Variants in MCF2L2 observed in about 807,000 individuals in gnomAD.
MCF2L2 encodes probable guanine nucleotide exchange factor MCF2L2.
A neutral mutation model predicts 150.2 loss-of-function variants in MCF2L2; 102 were observed. That is an observed-to-expected ratio of 0.68 (90% confidence interval 0.58 to 0.80). The LOEUF is 0.80. MCF2L2 is among the 30% of genes least tolerant of loss of function. MCF2L2 has a pLI of 0.00. For missense variants in MCF2L2, 1,256 were observed against 1,372.8 expected (o/e 0.91, Z 1.34); for synonymous variants, 465 against 491.3 (o/e 0.95, Z 0.71).
rs1456783768 is a variant in MCF2L2, at chr3:183,361,024, A to C, written c.275+18273T>G. The stretch of plus-strand genomic sequence containing the variant: ...AAAAGAAAAGAAAAGAAAAGAAAAG[A>C]GAAAAGAAAAGGAAGAAAGGAAAGG... On this transcript the variant is annotated intron_variant, in intron 3 of 29. Coordinates refer to ENST00000328913, the MANE Select transcript of MCF2L2 (RefSeq NM_015078.4). 9.4e-5 allele frequency among the ~76,000 whole-genome samples: 13 copies of C among 138,948 alleles called. No homozygotes were observed. In the South Asian group the frequency reaches 2.7e-3, roughly 29 times the overall value. 91.2% of individuals were successfully genotyped at this position (138,948 alleles called of 152,430 possible).
At chr3:183,323,194 CAAG>C (rs1374626118) in intron 6 of MCF2L2, 38 bp downstream of exon 6, 1 of 1,409,906 alleles carries the variant, frequency 7.1e-7, no homozygotes, top group South Asian at 1.2e-5. Context: ...TTCCAGAAAA[CAAG>C]GAGAGACAGT....
chr3:183,376,248 G>A (rs532147563), intron 3 of MCF2L2: 1 of 152,288 alleles, frequency 6.6e-6, no homozygotes, highest in South Asian at 2.1e-4. Context: ...ACAGTCCGGG[G>A]GGCTGAGCTA....
At chr3:183,240,744 A>G (rs1723984483) in intron 15 of MCF2L2, among the ~76,000 whole-genome samples, 1 of 152,252 alleles carries the variant, frequency 6.6e-6, no homozygotes, top group African/African-American at 2.4e-5. Flanking sequence ...ATTCTACTGC[A>G]GATGGTCTCC....
intron 3 of MCF2L2, among the ~76,000 whole-genome samples, chr3:183,363,021 G>T (rs1712306390): frequency 6.6e-6 from 1 of 152,132 alleles, no homozygotes; most frequent in Admixed American, 6.6e-5. Context: ...AAGATTTACA[G>T]ATGACAAATA....
At chr3:183,182,820 GA>G (rs1721575986) in intron 27 of MCF2L2, 1 of 152,288 alleles carries the variant, frequency 6.6e-6, no homozygotes, top group African/African-American at 2.4e-5. Context: ...CTCTGCGGAG[GA>G]AAGTGCGGCT....
At chr3:183,331,364 T>C (rs903200788) in intron 5 of MCF2L2, among the ~76,000 whole-genome samples, 2 of 152,172 alleles carry the variant, frequency 1.3e-5, no homozygotes, top group African/African-American at 4.8e-5. Flanking sequence ...GACATGTGGA[T>C]ATTATAAACT....
At chr3:183,199,888 G>C (rs1044388921) in intron 25 of MCF2L2, among the ~76,000 whole-genome samples, 6 of 150,186 alleles carry the variant, frequency 4.0e-5, no homozygotes, top group African/African-American at 1.5e-4. Context: ...TTGGTTTTCT[G>C]TCCTTGCGAT....
At chr3:183,231,142 T>C (rs1280186974) in intron 15 of MCF2L2, 125 bp from the exon 16 acceptor site, 1 of 756,242 alleles carries the variant, frequency 1.3e-6, no homozygotes. Flanking sequence ...ACCTACTTAG[T>C]TTCTGGTCAG....
chr3:183,230,546 G>C (rs192339286), intron 16 of MCF2L2, among the ~76,000 whole-genome samples: 1 of 152,022 alleles, frequency 6.6e-6, no homozygotes, highest in African/African-American at 2.4e-5. Flanking sequence ...AAATAATCGC[G>C]TACATATAAT....
At chr3:183,424,853 G>T (rs994604980) in intron 1 of MCF2L2, among the ~76,000 whole-genome samples, 1 of 152,122 alleles carries the variant, frequency 6.6e-6, no homozygotes, top group African/African-American at 2.4e-5. Context: ...GGTGAGAAAA[G>T]GTCTGGAAAA....
At chr3:183,194,738 C>T (rs571761) in intron 26 of MCF2L2, among the ~76,000 whole-genome samples, 1 of 151,812 alleles carries the variant, frequency 6.6e-6, no homozygotes, top group Non-Finnish European at 1.5e-5. Context: ...AGTGGGGTTG[C>T]GAACTGATTT....
In MCF2L2 at chr3:183,310,158, C is replaced by T. The variant is rs193187489; in HGVS notation, c.994-323G>A. Among the ~76,000 whole-genome samples, 4 of 151,558 alleles carry T rather than the reference C, an allele frequency of 2.6e-5. No individual in the cohort carries two copies. The East Asian group carries it at 7.9e-4, about 30-fold the overall frequency. Reference sequence around the variant, plus strand: ...GGAGGATTGTTTGTGCTTGGAAGTTCGAGGCCAGCCTGGGCAACATAGGGA... The same window carrying T: ...GGAGGATTGTTTGTGCTTGGAAGTTTGAGGCCAGCCTGGGCAACATAGGGA... On this transcript the variant is annotated intron_variant, in intron 9 of 29. Coordinates refer to ENST00000328913, the MANE Select transcript of MCF2L2 (RefSeq NM_015078.4).
rs542522722 is a variant in MCF2L2, at chr3:183,305,749, T to A, written c.1113+3967A>T. ...CTGTAGTCCCAGCTACTTGGGAGGC[T>A]GAGACAGAAGAATCGCTTGAACCCA... On this transcript the variant is annotated intron_variant, in intron 10 of 29. Transcript: ENST00000328913. The surrounding 1 kb of genome is among the most constrained non-coding windows in gnomAD (Gnocchi z 4.1). Among the ~76,000 whole-genome samples, 3 of 152,234 alleles carry A rather than the reference T, an allele frequency of 2.0e-5. No homozygotes were observed. Among genetic ancestry groups the A allele is most frequent in the African/African-American group, 7.2e-5 (3 of 41,538 alleles).
chr3:183,408,433 G>C (rs959312126), intron 1 of MCF2L2, among the ~76,000 whole-genome samples: 1 of 152,190 alleles, frequency 6.6e-6, no homozygotes, highest in African/African-American at 2.4e-5. Flanking sequence ...GAGGAGCTGC[G>C]CAGGATGCTG....
chr3:183,331,155 T>C (rs1034910395), intron 5 of MCF2L2, among the ~76,000 whole-genome samples: 1 of 152,196 alleles, frequency 6.6e-6, no homozygotes, highest in African/African-American at 2.4e-5. Flanking sequence ...AGGTGCCATG[T>C]AACAAAGAGA....
At chr3:183,272,392 A>T in intron 15 of MCF2L2, 4 of 1,000,314 alleles carry the variant, frequency 4.0e-6, no homozygotes, top group Non-Finnish European at 3.6e-6. Context: ...GGAAAATCAG[A>T]TGTCTCATAT....
At chr3:183,401,720 T>C (rs981619515) in intron 1 of MCF2L2, among the ~76,000 whole-genome samples, 1 of 152,244 alleles carries the variant, frequency 6.6e-6, no homozygotes, top group Non-Finnish European at 1.5e-5. Flanking sequence ...CTAGCTTCTC[T>C]CAGGATAACG....
At chr3:183,414,293 T>C (rs1007903524) in intron 1 of MCF2L2, among the ~76,000 whole-genome samples, 12 of 152,220 alleles carry the variant, frequency 7.9e-5, no homozygotes, top group South Asian at 4.1e-4. Context: ...TTCTATTTCT[T>C]GAGTCATTTT....
At chr3:183,230,637 CAAGA>C (rs1723516059) in intron 16 of MCF2L2, among the ~76,000 whole-genome samples, 1 of 152,058 alleles carries the variant, frequency 6.6e-6, no homozygotes, top group Non-Finnish European at 1.5e-5. Context: ...TTTAAAAAAA[CAAGA>C]AATAATCTTC....
Sources: allele counts gnomAD v4.1 joint callset (sites outside exome capture counted in the v4.1 genomes callset), GRCh38; gene constraint gnomAD v4.1.1; non-coding constraint Gnocchi (gnomAD v3.1); transcripts MANE v1.5; gene names NCBI Gene and HGNC (gene_info 2026-07-23, HGNC 2026-07-21).